POMP: variants seen among roughly 807,000 people sequenced by gnomAD.
The protein encoded by POMP is proteasome maturation protein.
Under a neutral mutation model 20.6 loss-of-function variants are expected in POMP, and 12 were observed. The ratio of observed to expected loss-of-function variants is 0.58; its 90% CI spans 0.37 to 0.94. The LOEUF (loss-of-function observed/expected upper bound fraction) is 0.94, where lower values mean the gene tolerates loss of function less well. POMP is among the 40% of genes least tolerant of loss of function. The pLI is 0.01. For missense variants in POMP, 136 were observed against 161.1 expected (o/e 0.84, Z 0.84); for synonymous variants, 53 against 55.0 (o/e 0.96, Z 0.16).
chr13:28,660,974 A>G (rs1437604329), intron 1 of POMP, among the ~76,000 whole-genome samples: 1 of 152,206 alleles, frequency 6.6e-6, no homozygotes, highest in Non-Finnish European at 1.5e-5. Context: ...TGGTATAGTG[A>G]AGAAACCCTG....
At chr13:28,666,372 A>G (rs1270269622) in intron 3 of POMP, among the ~76,000 whole-genome samples, 1 of 152,216 alleles carries the variant, frequency 6.6e-6, no homozygotes, top group East Asian at 1.9e-4. Flanking sequence ...TTTCCTGTGT[A>G]TTAGTCTGGC....
At chr13:28,667,524 T>C (rs1394666113) in intron 3 of POMP, among the ~76,000 whole-genome samples, 1 of 152,250 alleles carries the variant, frequency 6.6e-6, no homozygotes, top group Non-Finnish European at 1.5e-5. Flanking sequence ...CAAAATTTGC[T>C]GTGTAAAGCT....
At chr13:28,665,763 G>A (rs1487756603) in intron 3 of POMP, among the ~76,000 whole-genome samples, 2 of 152,190 alleles carry the variant, frequency 1.3e-5, no homozygotes, top group Non-Finnish European at 2.9e-5. Flanking sequence ...TTACTCAGTT[G>A]CCAAATGGGT....
At position 28,659,132 on chromosome 13, in the gene POMP, C is replaced by CG; in HGVS notation, c.-49dup. ...AGCCCTCGGAAACGGAAGTGAGCGG[C>CG]GGGGTCGACTGACGGTAACGGGGCA... is the stretch of plus-strand genomic sequence containing the variant. On this transcript the variant is annotated 5_prime_UTR_variant, in exon 1 of 6. Transcript: ENST00000380842. 1.9e-6 allele frequency: 3 copies of CG among 1,571,410 alleles called. 1 individual carries two copies. Among genetic ancestry groups the CG allele is most frequent in the South Asian group, 2.3e-5 (2 of 86,116 alleles).
At chr13:28,665,279 T>A (rs1884422009) in intron 3 of POMP, among the ~76,000 whole-genome samples, 1 of 152,218 alleles carries the variant, frequency 6.6e-6, no homozygotes, top group Non-Finnish European at 1.5e-5. Context: ...GATGATGCAG[T>A]TGTTAGGTAA....
intron 4 of POMP, among the ~76,000 whole-genome samples, chr13:28,672,090 GAAGCA>G (rs1385663482): frequency 2.6e-5 from 4 of 152,220 alleles, no homozygotes. Flanking sequence ...TTCCTGAGCA[GAAGCA>G]AAGCCTCAAA....
chr13:28,673,446 A>G (rs1007428908), intron 5 of POMP, among the ~76,000 whole-genome samples: 1 of 152,030 alleles, frequency 6.6e-6, no homozygotes, highest in African/African-American at 2.4e-5. Context: ...AGCATCCTCT[A>G]TTTTTTCTGG....
rs578047522 is a variant in POMP at position 28,677,062 on chromosome 13, T to C, written c.359-973T>C. ...ATTCTTTGTGCAAAAATTTGAAATA[T>C]TACCATTGAAACTCAGATTTGCTGT... On this transcript the variant is annotated intron_variant, in intron 5 of 5. Coordinates refer to ENST00000380842, the MANE Select transcript of POMP (RefSeq NM_015932.6). Among the ~76,000 whole-genome samples the C allele has an allele frequency of 1.3e-4, 20 of 152,358 alleles. No homozygotes were observed. In the South Asian group the frequency reaches 3.9e-3, roughly 30 times the overall value.
intron 5 of POMP, among the ~76,000 whole-genome samples, chr13:28,677,713 G>C (rs886239760): frequency 3.3e-5 from 5 of 152,094 alleles, no homozygotes; most frequent in Non-Finnish European, 5.9e-5. Context: ...TTGTCAATCT[G>C]TTTTTTCTTT....
Position 28,678,322 on chromosome 13 carries a change from CAGT to C in POMP, c.*223_*225del, listed in dbSNP as rs1884663297. 3.8e-6 allele frequency: 2 copies of C among 527,580 alleles called. No individual in the cohort carries two copies. The highest frequency in any genetic ancestry group is 2.2e-5 in the South Asian group (1 of 44,968). The allele number at this position is 527,580 out of a possible 1,614,324, so 32.7% of individuals were successfully genotyped here. ...TTAAAGCTCTTAATTTATATTAAAA[CAGT>C]AGCCTTTGTCTTTAAAAAAGTTGTT... On this transcript the variant is annotated 3_prime_UTR_variant, in exon 6 of 6. Transcript: ENST00000380842.
At position 28,678,708 on chromosome 13, in the gene POMP, T is replaced by A. The variant is rs1884674226; in HGVS notation, c.*606T>A. ...AGCAACCAGTAGATGTAGGTTAAAC[T>A]TTTACTTCATAGACTTAATATGTAA... is the stretch of plus-strand genomic sequence containing the variant. On this transcript the variant is annotated 3_prime_UTR_variant, in exon 6 of 6. Transcript: ENST00000380842. The A allele has an allele frequency of 1.3e-5, 2 of 152,662 alleles. No homozygotes were observed. Among genetic ancestry groups the A allele is most frequent in the Non-Finnish European group, 2.9e-5 (2 of 68,360 alleles). 9.5% of individuals were successfully genotyped at this position (152,662 alleles called of 1,614,324 possible).
At chr13:28,665,958 C>G (rs1317283229) in intron 3 of POMP, among the ~76,000 whole-genome samples, 1 of 152,140 alleles carries the variant, frequency 6.6e-6, no homozygotes, top group African/African-American at 2.4e-5. Context: ...CTGTCTACAT[C>G]TTAGGTAGTC....
At chr13:28,674,438 C>T (rs1047590546) in intron 5 of POMP, among the ~76,000 whole-genome samples, 2 of 152,188 alleles carry the variant, frequency 1.3e-5, no homozygotes, top group Admixed American at 6.5e-5. Flanking sequence ...GAGGCTGAAA[C>T]GGCTTTGGAA....
chr13:28,667,110 C>T (rs1884462959), intron 3 of POMP, among the ~76,000 whole-genome samples: 2 of 152,128 alleles, frequency 1.3e-5, no homozygotes, highest in Non-Finnish European at 2.9e-5. Flanking sequence ...TGTGTGTTGC[C>T]ACAGAGCCTA....
intron 5 of POMP, among the ~76,000 whole-genome samples, chr13:28,676,636 G>A (rs1884633661): frequency 6.6e-6 from 1 of 152,104 alleles, no homozygotes; most frequent in Admixed American, 6.5e-5. Flanking sequence ...TCTAAATACT[G>A]TGTAAAGACT....
intron 4 of POMP, among the ~76,000 whole-genome samples, chr13:28,670,787 C>T (rs1439809403): frequency 6.6e-6 from 1 of 152,218 alleles, no homozygotes; most frequent in Admixed American, 6.5e-5. Context: ...TGGCTCATGC[C>T]TGTAATCCCA....
chr13:28,667,843 T>C (rs891437903), intron 3 of POMP, among the ~76,000 whole-genome samples: 9 of 152,216 alleles, frequency 5.9e-5, no homozygotes, highest in African/African-American at 2.2e-4. Context: ...TTGCCTGAAA[T>C]ACATTAAGTT....
In POMP at chr13:28,659,169, C is replaced by T. The variant is rs1484346551; in HGVS notation, c.-16C>T. 4 of 1,585,428 alleles carry T rather than the reference C, an allele frequency of 2.5e-6. No homozygotes were observed. The South Asian group carries it at 3.4e-5, about 14-fold the overall frequency. On this transcript the variant is annotated 5_prime_UTR_variant, in exon 1 of 6. Transcript: ENST00000380842. ...ACGGTAACGGGGCAGAGAGGCTGTT[C>T]GCAGAGCTGCGGAAGATGGTGAGTG... is the stretch of plus-strand genomic sequence containing the variant.
At chr13:28,668,836 T>G (rs569425448) in intron 4 of POMP, among the ~76,000 whole-genome samples, 3 of 152,282 alleles carry the variant, frequency 2.0e-5, no homozygotes, top group Admixed American at 1.3e-4. Context: ...TGTATTACAT[T>G]GAATTTGAGA....
Sources: allele counts gnomAD v4.1 joint callset (sites outside exome capture counted in the v4.1 genomes callset), GRCh38; gene constraint gnomAD v4.1.1; transcripts MANE v1.5; gene names NCBI Gene and HGNC (gene_info 2026-07-23, HGNC 2026-07-21).